Variants in PEAK1 observed in about 807,000 individuals in gnomAD.
The protein encoded by PEAK1 is pseudopodium enriched atypical kinase 1, also known as inactive tyrosine-protein kinase PEAK1.
PEAK1 carries 54 observed loss-of-function variants against 124.7 expected under a neutral mutation model. The observed-to-expected ratio is 0.43, with a 90% CI of 0.35 to 0.54. PEAK1 has a LOEUF of 0.54. Among genes scored for constraint, PEAK1 ranks in the 20% least tolerant of loss-of-function variants. PEAK1 has a pLI of 0.01. For missense variants in PEAK1, 2,046 were observed against 2,134.5 expected (o/e 0.96, Z 0.82); for synonymous variants, 719 against 760.0 (o/e 0.95, Z 0.89).
At chr15:77,296,659 A>C (rs1435972529) in intron 2 of PEAK1, among the ~76,000 whole-genome samples, 1 of 151,690 alleles carries the variant, frequency 6.6e-6, no homozygotes, top group African/African-American at 2.4e-5. Context: ...ATTGAAAAAA[A>C]AGTAAAATGC....
At chr15:77,267,537 A>G (rs2061801427) in intron 5 of PEAK1, among the ~76,000 whole-genome samples, 2 of 151,794 alleles carry the variant, frequency 1.3e-5, no homozygotes, top group African/African-American at 4.8e-5. Context: ...ACATCATAAG[A>G]CTCTTTGCAG....
intron 1 of PEAK1, among the ~76,000 whole-genome samples, chr15:77,392,770 G>A (rs992258097): frequency 6.6e-6 from 1 of 152,142 alleles, no homozygotes; most frequent in Non-Finnish European, 1.5e-5. Context: ...CCTCCCTGCA[G>A]GAACACCAAA....
chr15:77,343,325 G>T (rs1432657678), intron 2 of PEAK1, among the ~76,000 whole-genome samples: 3 of 152,012 alleles, frequency 2.0e-5, no homozygotes, highest in African/African-American at 7.2e-5. Context: ...TTTTGTAGTT[G>T]TGAGTTATAG....
At chr15:77,226,720 T>C (rs1381939047) in intron 6 of PEAK1, among the ~76,000 whole-genome samples, 1 of 152,128 alleles carries the variant, frequency 6.6e-6, no homozygotes, top group East Asian at 1.9e-4. Flanking sequence ...TAAGTCAAGA[T>C]GAAAACTGAG....
chr15:77,163,485 T>C (rs1034487539), intron 7 of PEAK1, among the ~76,000 whole-genome samples: 3 of 152,254 alleles, frequency 2.0e-5, no homozygotes, highest in Non-Finnish European at 2.9e-5. Context: ...ACCCAGGTGG[T>C]AGAGATTAAT....
At chr15:77,124,776 A>T (rs543550813) in intron 9 of PEAK1, among the ~76,000 whole-genome samples, 1 of 152,232 alleles carries the variant, frequency 6.6e-6, no homozygotes, top group African/African-American at 2.4e-5. Context: ...TCTTAAGCTC[A>T]TCACTCAAAT....
chr15:77,376,004 T>TAAAC (rs2068994337), intron 1 of PEAK1, among the ~76,000 whole-genome samples: 1 of 60,538 alleles, frequency 1.7e-5, no homozygotes, highest in Non-Finnish European at 4.7e-5. Context: ...GTCTCAAAAA[T>TAAAC]AAATAAATAA....
intron 2 of PEAK1, among the ~76,000 whole-genome samples, chr15:77,288,297 C>T (rs2063030865): frequency 1.3e-5 from 2 of 152,132 alleles, no homozygotes; most frequent in South Asian, 4.1e-4. Flanking sequence ...AACTATTTGT[C>T]AATCCCATAT....
intron 1 of PEAK1, chr15:77,371,400 G>A (rs2141685836): frequency 2.1e-6 from 2 of 954,844 alleles, no homozygotes; most frequent in South Asian, 9.7e-5. Context: ...TAAAAGTGAA[G>A]CCATCAAAAA....
intron 5 of PEAK1, among the ~76,000 whole-genome samples, chr15:77,261,740 A>G (rs1164496087): frequency 6.6e-6 from 1 of 152,200 alleles, no homozygotes; most frequent in Non-Finnish European, 1.5e-5. Context: ...CAACATTCAG[A>G]TTCGGGAAAT....
At chr15:77,236,371 G>A (rs879197651) in intron 6 of PEAK1, among the ~76,000 whole-genome samples, 17 of 152,352 alleles carry the variant, frequency 1.1e-4, no homozygotes, top group Admixed American at 5.2e-4. Context: ...AATCAAAGGA[G>A]ATCATTTTGG....
At chr15:77,149,896 A>G (rs1379664420) in intron 8 of PEAK1, among the ~76,000 whole-genome samples, 1 of 152,080 alleles carries the variant, frequency 6.6e-6, no homozygotes, top group African/African-American at 2.4e-5. Flanking sequence ...CCACAGGTAC[A>G]TGCCTCCACA....
chr15:77,135,330 C>A (rs549219873), intron 8 of PEAK1, among the ~76,000 whole-genome samples: 67 of 152,216 alleles, frequency 4.4e-4, no homozygotes, highest in African/African-American at 1.6e-3. Flanking sequence ...ACGGTAAGCA[C>A]CAATATAATC....
intron 1 of PEAK1, among the ~76,000 whole-genome samples, chr15:77,405,360 C>A (rs2071731144): frequency 6.6e-6 from 1 of 152,076 alleles, no homozygotes; most frequent in African/African-American, 2.4e-5. Flanking sequence ...AGGAGAAGGG[C>A]GTTACATTAT....
At chr15:77,373,732 T>C (rs117130984) in intron 1 of PEAK1, among the ~76,000 whole-genome samples, 2,349 of 152,280 alleles carry the variant, frequency 0.015, 38 homozygotes, top group Middle Eastern at 0.041. Context: ...GTAAATACTT[T>C]AAATATCACT....
At chr15:77,146,854 G>A (rs1054837804) in intron 8 of PEAK1, among the ~76,000 whole-genome samples, 4 of 152,056 alleles carry the variant, frequency 2.6e-5, no homozygotes, top group African/African-American at 9.7e-5. Flanking sequence ...TAAAAAGCTG[G>A]CATTTATAAC....
chr15:77,114,838 T>C lies in PEAK1; in HGVS notation c.4559A>G (p.Glu1520Gly), dbSNP rs778384741. 134 of 1,613,530 alleles carry C rather than the reference T, an allele frequency of 8.3e-5. No individual in the cohort carries two copies. Among genetic ancestry groups the C allele is most frequent in the Non-Finnish European group, 1.1e-4 (134 of 1,180,012 alleles). Reference protein sequence around the residue: ...YHVTHCDLRLENLLLVHYQPG... With the variant: ...YHVTHCDLRLGNLLLVHYQPG... ...CTGGTAGTGGACAAGTAGCAGGTTC[T>C]CTAGGCGTAGATCGCAGTGAGTGAC... Residue 1520 changes from glutamate (E) to glycine (G), a missense_variant, in exon 10 of 10, where the codon GAG becomes GGG. Coordinates refer to ENST00000682557, the MANE Select transcript of PEAK1 (RefSeq NM_001385026.1).
At chr15:77,206,380 T>C (rs1335012616) in intron 6 of PEAK1, among the ~76,000 whole-genome samples, 1 of 149,344 alleles carries the variant, frequency 6.7e-6, no homozygotes, top group Non-Finnish European at 1.5e-5. Flanking sequence ...TTTCTAGTTC[T>C]AGAGCCCTGA....
intron 2 of PEAK1, among the ~76,000 whole-genome samples, chr15:77,314,008 C>CCATATCA (rs2064707663): frequency 6.6e-6 from 1 of 152,082 alleles, no homozygotes; most frequent in Non-Finnish European, 1.5e-5. Flanking sequence ...GTCATGCTGA[C>CCATATCA]AGTATATACC....
Sources: allele counts gnomAD v4.1 joint callset (sites outside exome capture counted in the v4.1 genomes callset), GRCh38; gene constraint gnomAD v4.1.1; transcripts MANE v1.5; gene names NCBI Gene and HGNC (gene_info 2026-07-23, HGNC 2026-07-21).